Variants in FMN2 observed in about 807,000 individuals in gnomAD.
The protein encoded by FMN2 is formin-2.
Under a neutral mutation model 142.3 loss-of-function variants are expected in FMN2, and 51 were observed. That is an observed-to-expected ratio of 0.36 (90% confidence interval 0.29 to 0.45). The LOEUF (loss-of-function observed/expected upper bound fraction) is 0.45. Ranked by LOEUF, FMN2 falls within the 20% of genes least tolerant of loss-of-function variation. FMN2 has a pLI of 1.00. For synonymous variants in FMN2, 882 were observed against 869.8 expected (o/e 1.01, Z -0.25); for missense variants, 1,936 against 2,122.8 (o/e 0.91, Z 1.73).
chr1:240,205,697 G>A (rs940257666), intron 4 of FMN2, among the ~76,000 whole-genome samples: 2 of 151,594 alleles, frequency 1.3e-5, no homozygotes, highest in African/African-American at 2.4e-5. Context: ...TCCTGACCTC[G>A]TGATCCACCC....
intron 2 of FMN2, chr1:240,170,557 T>C: frequency 6.4e-7 from 1 of 1,561,834 alleles, no homozygotes; most frequent in Non-Finnish European, 8.8e-7. Context: ...TACCAGCAGA[T>C]TTACTTGCAA....
intron 4 of FMN2, among the ~76,000 whole-genome samples, chr1:240,190,823 G>T (rs968068182): frequency 2.6e-5 from 4 of 152,122 alleles, no homozygotes; most frequent in African/African-American, 9.7e-5. Flanking sequence ...AGGCAAATAG[G>T]TATATTAGTT....
At chr1:240,198,627 A>G (rs1666013248) in intron 4 of FMN2, among the ~76,000 whole-genome samples, 1 of 152,198 alleles carries the variant, frequency 6.6e-6, no homozygotes, top group African/African-American at 2.4e-5. Flanking sequence ...ACCATTTGCC[A>G]TCTGTTCTAA....
chr1:240,098,246 C>T (rs550920861), intron 1 of FMN2, among the ~76,000 whole-genome samples: 2 of 151,708 alleles, frequency 1.3e-5, no homozygotes, highest in Admixed American at 6.6e-5. Flanking sequence ...GGATTATAGG[C>T]GCCCATGACC....
At chr1:240,406,707 A>G (rs1674214014) in intron 15 of FMN2, among the ~76,000 whole-genome samples, 1 of 152,120 alleles carries the variant, frequency 6.6e-6, no homozygotes, top group Non-Finnish European at 1.5e-5. Context: ...GTTAATGCAA[A>G]TTCTCAAAAG....
At chr1:240,191,109 C>T (rs1490197180) in intron 4 of FMN2, among the ~76,000 whole-genome samples, 2 of 152,084 alleles carry the variant, frequency 1.3e-5, no homozygotes, top group South Asian at 2.1e-4. Context: ...TGTGAGATCC[C>T]CAGGACTGCT....
intron 7 of FMN2, among the ~76,000 whole-genome samples, chr1:240,262,896 G>T (rs1156938315): frequency 6.6e-6 from 1 of 151,696 alleles, no homozygotes; most frequent in Non-Finnish European, 1.5e-5. Context: ...GAGTAGCTGG[G>T]ATTACAGCCA....
chr1:240,116,217 C>T (rs74833213), intron 1 of FMN2, among the ~76,000 whole-genome samples: 10,304 of 152,190 alleles, frequency 0.068, 490 homozygotes, highest in South Asian at 0.15. Flanking sequence ...TGTGGAGCTC[C>T]GCTCTGTCTT....
intron 15 of FMN2, among the ~76,000 whole-genome samples, chr1:240,414,762 A>T (rs79310329): frequency 2.5e-3 from 378 of 152,344 alleles, no homozygotes; most frequent in African/African-American, 8.9e-3. Flanking sequence ...AAATGTAAAC[A>T]GATGAAAACA....
chr1:240,442,211 C>A (rs11577878), intron 16 of FMN2, among the ~76,000 whole-genome samples: 58,708 of 152,080 alleles, frequency 0.39, 12,196 homozygotes, highest in African/African-American at 0.55. Flanking sequence ...TTTAACTTCC[C>A]AGCTAGGCTG....
At chr1:240,114,461 C>T (rs1661940183) in intron 1 of FMN2, among the ~76,000 whole-genome samples, 1 of 152,052 alleles carries the variant, frequency 6.6e-6, no homozygotes, top group Non-Finnish European at 1.5e-5. Context: ...AGCAGGGGCC[C>T]ACCATGTCTG....
At chr1:240,143,898 G>T (rs1663307117) in intron 2 of FMN2, 38 of 1,580,182 alleles carry the variant, frequency 2.4e-5, no homozygotes, top group Non-Finnish European at 3.2e-5. Context: ...ACATCTTCAT[G>T]ATTTGAGCCA....
At chr1:240,458,494 C>T (rs1676327478) in intron 16 of FMN2, 1 of 152,142 alleles carries the variant, frequency 6.6e-6, no homozygotes, top group African/African-American at 2.4e-5. Flanking sequence ...AAATAGGATA[C>T]AAATGATCCA....
chr1:240,315,334 A>G (rs1359010108), intron 8 of FMN2, among the ~76,000 whole-genome samples: 1 of 152,184 alleles, frequency 6.6e-6, no homozygotes, highest in East Asian at 1.9e-4. Context: ...AAAACATTTG[A>G]TGGTTTTGAT....
chr1:240,388,571 G>A (rs1420738753), intron 14 of FMN2, among the ~76,000 whole-genome samples: 3 of 152,076 alleles, frequency 2.0e-5, no homozygotes, highest in Admixed American at 2.0e-4. Flanking sequence ...CCCTTGGCCA[G>A]TGATGTCCAT....
chr1:240,130,292 G>A (rs553246890), intron 2 of FMN2, among the ~76,000 whole-genome samples: 13 of 152,146 alleles, frequency 8.5e-5, no homozygotes, highest in Admixed American at 3.3e-4. Context: ...AAAGAATTTT[G>A]TGGTTTTATT....
chr1:240,438,524 G>T (rs1018757711), intron 16 of FMN2, among the ~76,000 whole-genome samples: 1 of 152,160 alleles, frequency 6.6e-6, no homozygotes, highest in Non-Finnish European at 1.5e-5. Context: ...CTGCTGCAAT[G>T]GCAGACCCAC....
intron 14 of FMN2, among the ~76,000 whole-genome samples, chr1:240,375,132 A>G (rs1673000683): frequency 6.6e-6 from 1 of 152,160 alleles, no homozygotes; most frequent in African/African-American, 2.4e-5. Flanking sequence ...GTATTTATTG[A>G]TTGTTTGCCA....
intron 14 of FMN2, among the ~76,000 whole-genome samples, chr1:240,372,825 A>G (rs1672917224): frequency 6.6e-6 from 1 of 152,128 alleles, no homozygotes; most frequent in African/African-American, 2.4e-5. Context: ...ACTGTACTCT[A>G]TTAAGTGTGC....
Sources: allele counts gnomAD v4.1 joint callset (sites outside exome capture counted in the v4.1 genomes callset), GRCh38; gene constraint gnomAD v4.1.1; transcripts MANE v1.5; gene names NCBI Gene and HGNC (gene_info 2026-07-23, HGNC 2026-07-21).